CLN8: variants seen among roughly 807,000 people sequenced by gnomAD.
The protein encoded by CLN8 is CLN8 transmembrane ER and ERGIC protein.
A neutral mutation model predicts 15.7 loss-of-function variants in CLN8; 14 were observed. The observed-to-expected ratio is 0.89, with a 90% CI of 0.59 to 1.39. The LOEUF is 1.39. Among genes scored for constraint, CLN8 ranks in the 40% most tolerant of loss-of-function variants. CLN8 has a pLI of 0.00. For synonymous variants in CLN8, 188 were observed against 151.0 expected (o/e 1.25, Z -1.80); for missense variants, 415 against 364.0 (o/e 1.14, Z -1.14).
At chr8:1,769,079 C>A (rs1417686860) in intron 1 of CLN8, among the ~76,000 whole-genome samples, 1 of 152,202 alleles carries the variant, frequency 6.6e-6, no homozygotes, top group Non-Finnish European at 1.5e-5. Context: ...CCAGTGCTGT[C>A]TTTCCCCACA....
At chr8:1,761,608 A>AG (rs1800798270), upstream of CLN8, among the ~76,000 whole-genome samples, 1 of 152,188 alleles carries the variant, frequency 6.6e-6, no homozygotes, top group Non-Finnish European at 1.5e-5. Flanking sequence ...TACAGGTGTG[A>AG]GCCACCGTGC....
upstream of CLN8, among the ~76,000 whole-genome samples, chr8:1,753,096 C>T (rs937756380): frequency 6.6e-6 from 1 of 152,206 alleles, no homozygotes; most frequent in Non-Finnish European, 1.5e-5. Context: ...GTGGCAGCCT[C>T]ATCTCCTCAT....
At position 1,756,315 on chromosome 8, in the gene CLN8, G is replaced by A. The variant is rs577591407; in HGVS notation, c.-124+233G>A. ...TGGCCAACATAGTAAAACCCCGTCT[G>A]TACTAAAAAAATACAAAAATTAGCC... is the stretch of plus-strand genomic sequence containing the variant. On this transcript the variant is annotated intron_variant, in intron 1 of 1. Transcript: ENST00000524258. Among the ~76,000 whole-genome samples, 9 of 151,916 alleles carry A rather than the reference G, an allele frequency of 5.9e-5. No individual in the cohort carries two copies. The East Asian group carries it at 1.7e-3, about 30-fold the overall frequency.
upstream of CLN8, chr8:1,759,888 C>T (rs977215625): frequency 2.0e-5 from 3 of 152,166 alleles, no homozygotes; most frequent in African/African-American, 7.2e-5. Flanking sequence ...ATTATACATC[C>T]CTTTGAGGAC....
At chr8:1,764,008 C>G (rs989695936) in intron 1 of CLN8, 123 bp downstream of exon 1, 1 of 149,558 alleles carries the variant, frequency 6.7e-6, no homozygotes, top group Non-Finnish European at 1.5e-5. Flanking sequence ...GGTGAGCGCG[C>G]GTGGAGCCCA....
chr8:1,763,012 C>T (rs1800841661), upstream of CLN8: 1 of 152,192 alleles, frequency 6.6e-6, no homozygotes, highest in Non-Finnish European at 1.5e-5. Flanking sequence ...ATAAGTAACT[C>T]GAATAACAAC....
Position 1,771,523 on chromosome 8 carries a change from C to A in CLN8, c.469C>A (p.His157Asn), listed in dbSNP as rs746025062. The A allele has an allele frequency of 6.2e-6, 10 of 1,614,162 alleles. No homozygotes were observed. Among genetic ancestry groups the A allele is most frequent in the Non-Finnish European group, 6.8e-6 (8 of 1,180,040 alleles). The change falls in exon 2 of 3, where the codon CAC becomes AAC. Residue 157 changes from histidine to asparagine, a missense_variant. By Grantham distance (68) the His-to-Asn change is moderately conservative. Transcript: ENST00000331222. ...LGCLVNLQAGHYLAMTTLLLE... is the reference protein window; with the variant it reads ...LGCLVNLQAGNYLAMTTLLLE... ...CTGCTTGGTCAATCTCCAAGCTGGC[C>A]ACTATCTAGCTATGACCACGTTGCT...
In CLN8 at chr8:1,780,518, A is replaced by C. The variant is rs914759366; in HGVS notation, c.812A>C (p.Lys271Thr). 2 of 1,614,120 alleles carry C rather than the reference A, an allele frequency of 1.2e-6. No individual in the cohort carries two copies. The highest frequency in any genetic ancestry group is 2.7e-5 in the African/African-American group (2 of 74,946). ...VDWNFAQPEA[K>T]SRPEGNGQLL... ...TGGAACTTCGCACAGCCAGAAGCCA[A>C]GAGCAGGCCAGAAGGCAACGGGCAG... Residue 271 changes from lysine (K) to threonine (T), a missense_variant, in exon 3 of 3, where the codon AAG becomes ACG. Physicochemically the swap from Lys to Thr is moderately conservative, Grantham distance 78. Coordinates refer to ENST00000331222, the MANE Select transcript of CLN8 (RefSeq NM_018941.4).
chr8:1,765,419 T>C (rs1279172098), intron 1 of CLN8, among the ~76,000 whole-genome samples: 1 of 152,200 alleles, frequency 6.6e-6, no homozygotes, highest in Non-Finnish European at 1.5e-5. Context: ...TGTAAGAGGA[T>C]TGTAAATTTT....
At position 1,771,582 on chromosome 8, in the gene CLN8, C is replaced by G. The variant is rs1801309578; in HGVS notation, c.528C>G (p.Ser176=). ...TGAGCACGCCCTTTACCTGCGTTTC[C>G]TGGATGCTCTTAAAGGTAAGTGCAT... ...LEMSTPFTCV[S]WMLLKAGWSE... is the part of the protein sequence containing the mutation. The change falls in exon 2 of 3, where the codon TCC becomes TCG. Residue 176 remains serine (S), a synonymous_variant. Transcript: ENST00000331222. The G allele has an allele frequency of 6.2e-7, 1 of 1,613,812 alleles. No individual in the cohort carries two copies. The highest frequency in any genetic ancestry group is 1.3e-5 in the African/African-American group (1 of 74,918).
At chr8:1,776,043 T>C (rs1269259698) in intron 2 of CLN8, among the ~76,000 whole-genome samples, 1 of 151,934 alleles carries the variant, frequency 6.6e-6, no homozygotes. Context: ...TAGAAGATTC[T>C]GCAAGCTGAG....
rs148038237 is a variant in CLN8, at chr8:1,776,993, T to C, written c.544-3257T>C. Among the ~76,000 whole-genome samples the C allele has an allele frequency of 2.7e-3, 406 of 152,336 alleles. 1 individual carries two copies. The highest frequency in any genetic ancestry group is 4.6e-3 in the Non-Finnish European group (310 of 68,038). ...ACACAGCGTGTGATACCGTTCCATG[T>C]ACAGTCATACGTTGCTTAACGACGG... is the stretch of plus-strand genomic sequence containing the variant. On this transcript the variant is annotated intron_variant, in intron 2 of 2. Coordinates refer to ENST00000331222, the MANE Select transcript of CLN8 (RefSeq NM_018941.4).
upstream of CLN8, chr8:1,759,569 C>G (rs1161188010): frequency 6.6e-6 from 1 of 152,214 alleles, no homozygotes; most frequent in East Asian, 1.9e-4. Context: ...CAGCAGGATT[C>G]TTTTGGACGA....
chr8:1,768,831 A>G (rs1801185753), intron 1 of CLN8, among the ~76,000 whole-genome samples: 1 of 152,162 alleles, frequency 6.6e-6, no homozygotes, highest in African/African-American at 2.4e-5. Flanking sequence ...GCCCCTTAAT[A>G]CCATGTTCAA....
At chr8:1,760,264 T>C (rs575040619), upstream of CLN8, 1 of 152,316 alleles carries the variant, frequency 6.6e-6, no homozygotes, top group South Asian at 2.1e-4. Context: ...TCAAAGTGCT[T>C]AGCCTGACGC....
At chr8:1,778,878 C>A (rs1045860373) in intron 2 of CLN8, among the ~76,000 whole-genome samples, 4 of 152,174 alleles carry the variant, frequency 2.6e-5, no homozygotes, top group African/African-American at 9.7e-5. Flanking sequence ...ATAAGCCCAC[C>A]ATAAGTTAAA....
At chr8:1,753,629 G>C (rs1311108690), upstream of CLN8, among the ~76,000 whole-genome samples, 2 of 66,776 alleles carry the variant, frequency 3.0e-5, no homozygotes, top group African/African-American at 4.7e-5. Context: ...GCTCACACCT[G>C]TAATCCCACA....
At chr8:1,772,411 C>T (rs533958345) in intron 2 of CLN8, among the ~76,000 whole-genome samples, 69 of 152,290 alleles carry the variant, frequency 4.5e-4, no homozygotes, top group South Asian at 3.3e-3. Flanking sequence ...AAATATTTGT[C>T]ACTTGATTGT....
chr8:1,784,889 CGGT>C lies in CLN8; in HGVS notation c.*4325_*4327del, dbSNP rs1340860636. 1 of 152,332 alleles carries C rather than the reference CGGT, an allele frequency of 6.6e-6. No individual in the cohort carries two copies. Among genetic ancestry groups the C allele is most frequent in the Non-Finnish European group, 1.5e-5 (1 of 68,168 alleles). 9.4% of individuals were successfully genotyped at this position (152,332 alleles called of 1,614,324 possible). A position where few individuals can be genotyped will look rare whatever the true frequency, so the allele number is the denominator to read the frequency against. The stretch of plus-strand genomic sequence containing the variant: ...TGGAGGTGATGTCCTCAGTAGAGAA[CGGT>C]GGCCACTGGAAACGTGTGGCCAGAA... On this transcript the variant is annotated 3_prime_UTR_variant, in exon 3 of 3. Transcript: ENST00000331222.
Sources: gnomAD v4.1 joint callset for allele counts (sites outside exome capture counted in the v4.1 genomes callset) on GRCh38, gnomAD v4.1.1 for gene constraint, MANE v1.5 for transcripts, NCBI Gene and HGNC (gene_info 2026-07-23, HGNC 2026-07-21) for gene names.